MMP16: variants seen among roughly 807,000 people sequenced by gnomAD.
The protein encoded by MMP16 is matrix metalloproteinase-16.
In MMP16, 12 loss-of-function variants were observed where a neutral mutation model predicts 67.8. That is an observed-to-expected ratio of 0.18 (90% CI 0.11 to 0.29). MMP16 has a LOEUF of 0.29. Among genes scored for constraint, MMP16 ranks in the 10% least tolerant of loss-of-function variants. MMP16 has a pLI of 1.00. For synonymous variants in MMP16, 249 were observed against 255.9 expected (o/e 0.97, Z 0.26); for missense variants, 475 against 765.7 (o/e 0.62, Z 4.48).
intron 2 of MMP16, among the ~76,000 whole-genome samples, chr8:88,195,530 G>A (rs1809235652): frequency 6.6e-6 from 1 of 152,160 alleles, no homozygotes; most frequent in African/African-American, 2.4e-5. Context: ...AATTTAAATG[G>A]AATTTGGTAC....
In MMP16 at chr8:88,074,488, T is replaced by C. The variant is rs528267749; in HGVS notation, c.1222+117A>G. On this transcript the variant is annotated intron_variant, in intron 7 of 9. Transcript: ENST00000286614. ...TCATTTATATTTCTAGTTAACATAG[T>C]TTATTTCATTAAATCCATAGGCTAT... 6 of 851,336 alleles carry C rather than the reference T, an allele frequency of 7.0e-6. No homozygotes were observed. In the South Asian group the frequency reaches 2.0e-4, roughly 28 times the overall value. 52.7% of individuals were successfully genotyped at this position (851,336 alleles called of 1,614,324 possible). A position where few individuals can be genotyped will look rare whatever the true frequency, so the allele number is the denominator to read the frequency against.
chr8:88,184,392 A>T lies in MMP16; in HGVS notation c.404+2084T>A, dbSNP rs1394224596. ...TTCTATTCTGCCATGTGACCAGAAA[A>T]ATAATCTATCATTCTTCATCAAAAT... is the stretch of plus-strand genomic sequence containing the variant. On this transcript the variant is annotated intron_variant, in intron 3 of 9. Transcript: ENST00000286614. Among the ~76,000 whole-genome samples, 15 of 151,846 alleles carry T rather than the reference A, an allele frequency of 9.9e-5. No individual in the cohort carries two copies. The East Asian group carries it at 2.7e-3, about 28-fold the overall frequency.
intron 1 of MMP16, among the ~76,000 whole-genome samples, chr8:88,252,714 C>T (rs541834686): frequency 1.3e-5 from 2 of 150,120 alleles, no homozygotes; most frequent in South Asian, 2.1e-4. Context: ...TTACATTTAT[C>T]ATTCTCAGAA....
intron 3 of MMP16, among the ~76,000 whole-genome samples, chr8:88,181,755 C>G (rs999898623): frequency 2.6e-5 from 4 of 151,858 alleles, no homozygotes; most frequent in Admixed American, 2.6e-4. Flanking sequence ...CAGAAACTAC[C>G]TGATAGTAAG....
rs1177282298 is a variant in MMP16, at chr8:88,034,563, G to A, written c.*6898C>T. The A allele has an allele frequency of 6.6e-6, 1 of 152,300 alleles. No homozygotes were observed. Among genetic ancestry groups the A allele is most frequent in the Non-Finnish European group, 1.5e-5 (1 of 67,942 alleles). The allele number at this position is 152,300 out of a possible 1,614,324, so 9.4% of individuals were successfully genotyped here. On this transcript the variant is annotated 3_prime_UTR_variant, in exon 10 of 10. Transcript: ENST00000286614. ...AAAACCTAATTTTACTCAGGCAATG[G>A]TATAGACAGCCAATAATGTGGCCTC...
At chr8:88,060,089 T>G (rs562266663) in intron 7 of MMP16, among the ~76,000 whole-genome samples, 1 of 152,182 alleles carries the variant, frequency 6.6e-6, no homozygotes, top group African/African-American at 2.4e-5. Flanking sequence ...ACACACCCAC[T>G]CCTTACCATA....
In MMP16 at chr8:88,036,153, C is replaced by G. The variant is rs1339000269; in HGVS notation, c.*5308G>C. 2 of 151,892 alleles carry G rather than the reference C, an allele frequency of 1.3e-5. No homozygotes were observed. Among genetic ancestry groups the G allele is most frequent in the Non-Finnish European group, 2.9e-5 (2 of 67,856 alleles). The allele number at this position is 151,892 out of a possible 1,614,324, so 9.4% of individuals were successfully genotyped here. A position where few individuals can be genotyped will look rare whatever the true frequency, so the allele number is the denominator to read the frequency against. On this transcript the variant is annotated 3_prime_UTR_variant, in exon 10 of 10. Coordinates refer to ENST00000286614, the MANE Select transcript of MMP16 (RefSeq NM_005941.5). ...CAACTTGAGGTTACTGAACACCTAC[C>G]TCTTACATTTTTAGCCTGTAAGGCA...
chr8:88,174,104 A>C (rs1472158992), intron 3 of MMP16, among the ~76,000 whole-genome samples: 2 of 152,232 alleles, frequency 1.3e-5, no homozygotes, highest in African/African-American at 4.8e-5. Flanking sequence ...AAAGTAAAAT[A>C]ACTTCCAGTG....
chr8:88,285,889 CTTAT>C (rs770623303), intron 1 of MMP16, among the ~76,000 whole-genome samples: 5 of 152,262 alleles, frequency 3.3e-5, no homozygotes, highest in African/African-American at 4.8e-5. Flanking sequence ...GTTTTGCCAT[CTTAT>C]TTGTCACCTG....
At chr8:88,214,289 C>T (rs549750211) in intron 1 of MMP16, among the ~76,000 whole-genome samples, 2 of 152,290 alleles carry the variant, frequency 1.3e-5, no homozygotes, top group East Asian at 1.9e-4. Context: ...ATAGCCCAGT[C>T]TTCTGTTATT....
chr8:88,053,348 C>T (rs1271936847), intron 8 of MMP16, among the ~76,000 whole-genome samples: 18 of 152,166 alleles, frequency 1.2e-4, no homozygotes, highest in Admixed American at 1.1e-3. Context: ...ATTTTGAATG[C>T]TTTTCTGGAG....
At chr8:88,084,702 T>A (rs1256322176) in intron 6 of MMP16, among the ~76,000 whole-genome samples, 2 of 152,042 alleles carry the variant, frequency 1.3e-5, no homozygotes, top group Non-Finnish European at 2.9e-5. Context: ...ATATTAGGTG[T>A]GACCATGTTT....
intron 1 of MMP16, among the ~76,000 whole-genome samples, chr8:88,299,717 A>C (rs950081047): frequency 6.6e-6 from 1 of 152,190 alleles, no homozygotes; most frequent in Non-Finnish European, 1.5e-5. Context: ...AAAAACATTT[A>C]GTCAATTGTA....
At chr8:88,186,670 T>G in intron 2 of MMP16, 72 bp from the exon 3 acceptor site, 1 of 1,520,304 alleles carries the variant, frequency 6.6e-7, no homozygotes, top group Non-Finnish European at 8.8e-7. Context: ...ATCATTAAAT[T>G]CAAAAGAAAA....
rs927011383 is a variant in MMP16, at chr8:88,112,527, G to T, written c.1083+3980C>A. 9.2e-5 allele frequency among the ~76,000 whole-genome samples: 14 copies of T among 151,758 alleles called. 1 individual carries two copies. The East Asian group carries it at 1.6e-3, about 17-fold the overall frequency. On this transcript the variant is annotated intron_variant, in intron 6 of 9. Coordinates refer to ENST00000286614, the MANE Select transcript of MMP16 (RefSeq NM_005941.5). ...TCACCTTTTCTAGGATAAGGACAAA[G>T]CTTCTTTTGTTATTGCTATTTTGTT...
intron 1 of MMP16, among the ~76,000 whole-genome samples, chr8:88,267,788 ATAAG>A (rs903334287): frequency 7.9e-5 from 12 of 152,210 alleles, no homozygotes; most frequent in African/African-American, 2.4e-4. Context: ...TTATTAACAA[ATAAG>A]TAAGAAGTTG....
In MMP16 at chr8:88,041,945, TG is replaced by T; in HGVS notation, c.1490-151del. ...AAGAAAACACTATTTTCAGCTCAGCTGTCTGTTAAGATGGCTGTGGCTGCTG... is the reference window on the plus strand; with the variant it reads ...AAGAAAACACTATTTTCAGCTCAGCTTCTGTTAAGATGGCTGTGGCTGCTG... On this transcript the variant is annotated intron_variant, in intron 9 of 9. Coordinates refer to ENST00000286614, the MANE Select transcript of MMP16 (RefSeq NM_005941.5). The surrounding 1 kb of genome is among the most constrained non-coding windows in gnomAD (Gnocchi z 6.0). 1.5e-6 allele frequency: 1 copy of T among 657,872 alleles called. No homozygotes were observed. Among genetic ancestry groups the T allele is most frequent in the South Asian group, 2.0e-5 (1 of 50,468 alleles). 40.8% of individuals were successfully genotyped at this position (657,872 alleles called of 1,614,324 possible).
chr8:88,033,018 C>A lies in MMP16; in HGVS notation c.*8443G>T, dbSNP rs1047190131. On this transcript the variant is annotated 3_prime_UTR_variant, in exon 10 of 10. Transcript: ENST00000286614. ...ATGGCCTAAATATTTAATTTCCTGG[C>A]GTTTCTCTCTGCTTCACAGTTTAAT... 15 of 151,870 alleles carry A rather than the reference C, an allele frequency of 9.9e-5. No individual in the cohort carries two copies. The highest frequency in any genetic ancestry group is 3.6e-4 in the African/African-American group (15 of 41,394). The allele number at this position is 151,870 out of a possible 1,614,324, so 9.4% of individuals were successfully genotyped here. A position where few individuals can be genotyped will look rare whatever the true frequency, so the allele number is the denominator to read the frequency against.
At position 88,327,107 on chromosome 8, in the gene MMP16, C is replaced by A. The variant is rs145799922; in HGVS notation, c.100G>T (p.Val34Phe). 321 of 1,613,932 alleles carry A rather than the reference C, an allele frequency of 2.0e-4. No homozygotes were observed. The highest frequency in any genetic ancestry group is 2.6e-4 in the Non-Finnish European group (306 of 1,179,990). The part of the protein sequence containing the change: ...QTLLWILCAT[V>F]CGTEQYFNVE... ...TTGAAATACTGCTCCGTTCCGCAGA[C>A]TGTAGCACATAAAATCCAAAGCAAG... is the stretch of plus-strand genomic sequence containing the variant. The change falls in exon 1 of 10, where the codon GTC becomes TTC. Residue 34 changes from valine (V) to phenylalanine (F), a missense_variant. This residue lies in a region of MMP16 where 170 missense variants were observed against 239.6 expected (regional missense o/e 0.71). Transcript: ENST00000286614.
Sources: gnomAD v4.1 joint callset for allele counts (sites outside exome capture counted in the v4.1 genomes callset) on GRCh38, gnomAD v4.1.1 for gene constraint, gnomAD v4.1.1 regional missense constraint, Gnocchi (gnomAD v3.1) non-coding constraint, MANE v1.5 for transcripts, NCBI Gene and HGNC (gene_info 2026-07-23, HGNC 2026-07-21) for gene names.